ADGRB3: variants seen among roughly 807,000 people sequenced by gnomAD.
ADGRB3 encodes adhesion G protein-coupled receptor B3, also known as brain-specific angiogenesis inhibitor 3.
A neutral mutation model predicts 193.4 loss-of-function variants in ADGRB3; 37 were observed. The observed-to-expected ratio is 0.19, with a 90% CI of 0.15 to 0.25. ADGRB3 has a LOEUF of 0.25. Ranked by LOEUF, ADGRB3 falls within the 10% of genes least tolerant of loss-of-function variation. The pLI is 1.00. For synonymous variants in ADGRB3, 690 were observed against 644.2 expected (o/e 1.07, Z -1.08); for missense variants, 1,637 against 1,852.9 (o/e 0.88, Z 2.14).
chr6:69,330,596 T>C, intron 23 of ADGRB3, 24 bp downstream of exon 23: 1 of 1,582,068 alleles, frequency 6.3e-7, no homozygotes, highest in Non-Finnish European at 8.6e-7. Flanking sequence ...TCAACCTATT[T>C]TGTTTTCTTA....
chr6:68,825,840 C>T (rs1428123416), intron 3 of ADGRB3, among the ~76,000 whole-genome samples: 5 of 152,166 alleles, frequency 3.3e-5, no homozygotes, highest in African/African-American at 9.7e-5. Context: ...CTTAGCCATG[C>T]GGAACTGTGA....
At chr6:69,034,265 G>A (rs1296440935) in intron 13 of ADGRB3, among the ~76,000 whole-genome samples, 3 of 151,568 alleles carry the variant, frequency 2.0e-5, no homozygotes, top group African/African-American at 7.3e-5. Context: ...TTAATTCCCT[G>A]ATTGTTTGTC....
At chr6:68,860,774 C>G (rs1350800185) in intron 3 of ADGRB3, among the ~76,000 whole-genome samples, 1 of 152,114 alleles carries the variant, frequency 6.6e-6, no homozygotes, top group Non-Finnish European at 1.5e-5. Flanking sequence ...AGTGGGATTC[C>G]TGGGTCAAAT....
intron 3 of ADGRB3, among the ~76,000 whole-genome samples, chr6:68,699,080 C>T (rs1028524431): frequency 1.3e-5 from 2 of 151,978 alleles, no homozygotes; most frequent in African/African-American, 4.8e-5. Context: ...ATACTGAAAA[C>T]ATTCCCTTAG....
At chr6:69,098,991 C>G (rs922810745) in intron 17 of ADGRB3, among the ~76,000 whole-genome samples, 2 of 152,280 alleles carry the variant, frequency 1.3e-5, no homozygotes, top group Middle Eastern at 3.4e-3. Flanking sequence ...TTTTAAATAG[C>G]TACCTCTATG....
Position 68,756,656 on chromosome 6 carries a change from G to A in ADGRB3, c.757+117224G>A, listed in dbSNP as rs137868990. Among the ~76,000 whole-genome samples, 136 of 152,204 alleles carry A rather than the reference G, an allele frequency of 8.9e-4. 1 individual carries two copies. The highest frequency in any genetic ancestry group is 1.2e-4 in the Non-Finnish European group (8 of 67,990). ...TCCTGTGCTACACAGAGACCAGATG[G>A]GAGCTCAGGGTTATTTTGTTTATCA... On this transcript the variant is annotated intron_variant, in intron 3 of 31. Transcript: ENST00000370598.
At chr6:69,159,543 G>A (rs938345907) in intron 17 of ADGRB3, among the ~76,000 whole-genome samples, 6 of 152,038 alleles carry the variant, frequency 3.9e-5, no homozygotes, top group African/African-American at 1.4e-4. Flanking sequence ...AAATAAGCAA[G>A]CAGACAAACC....
intron 3 of ADGRB3, among the ~76,000 whole-genome samples, chr6:68,823,370 G>A (rs1767782635): frequency 6.6e-6 from 1 of 151,668 alleles, no homozygotes; most frequent in South Asian, 2.1e-4. Context: ...TATGTTTTGG[G>A]AACTGACAGA....
At chr6:68,800,209 A>C (rs1330730323) in intron 3 of ADGRB3, among the ~76,000 whole-genome samples, 1 of 152,210 alleles carries the variant, frequency 6.6e-6, no homozygotes, top group African/African-American at 2.4e-5. Flanking sequence ...GATTAGTTTC[A>C]GTGTACAGAA....
chr6:68,975,414 T>C (rs938607743), intron 10 of ADGRB3, 74 bp downstream of exon 10: 35 of 1,119,648 alleles, frequency 3.1e-5, no homozygotes, highest in Non-Finnish European at 4.2e-5. Flanking sequence ...AATTTAACCT[T>C]CTGCTGTACA....
At position 69,361,041 on chromosome 6, in the gene ADGRB3, G is replaced by T. The variant is rs1249840100; in HGVS notation, c.3768G>T (p.Leu1256Phe). ...TCATCATCCAGCAACCCACAGGTTTGCACATGCCCATGAGTATGAATGAGC... is the reference window on the plus strand; with the variant it reads ...TCATCATCCAGCAACCCACAGGTTTTCACATGCCCATGAGTATGAATGAGC... Reference protein sequence around the residue: ...SKVIIQQPTGLHMPMSMNELS... With the variant: ...SKVIIQQPTGFHMPMSMNELS... Residue 1256 changes from leucine (L) to phenylalanine (F), a missense_variant, in exon 29 of 32, where the codon TTG (leucine) becomes TTT (phenylalanine). Leu to Phe is a conservative substitution (Grantham distance 22). Transcript: ENST00000370598. 6.2e-7 allele frequency: 1 copy of T among 1,612,676 alleles called. No homozygotes were observed. The highest frequency in any genetic ancestry group is 1.3e-5 in the African/African-American group (1 of 74,824).
intron 28 of ADGRB3, 149 bp from the exon 29 acceptor site, chr6:69,360,720 C>T (rs886206986): frequency 1.3e-6 from 1 of 798,578 alleles, no homozygotes; most frequent in Admixed American, 3.2e-5. Context: ...GGACCATGTA[C>T]AAACAAATTG....
intron 3 of ADGRB3, among the ~76,000 whole-genome samples, chr6:68,844,183 A>G (rs1768226535): frequency 6.6e-6 from 1 of 152,156 alleles, no homozygotes; most frequent in South Asian, 2.1e-4. Flanking sequence ...TATTACATGA[A>G]GTTAAATGAT....
chr6:69,126,067 C>G (rs1561927020), intron 17 of ADGRB3, among the ~76,000 whole-genome samples: 1 of 152,096 alleles, frequency 6.6e-6, no homozygotes. Flanking sequence ...TGAATATGCA[C>G]TAAGTATATT....
Position 69,018,462 on chromosome 6 carries a change from G to A in ADGRB3, c.2070G>A (p.Met690Ile). The change falls in exon 13 of 32, where the codon ATG becomes ATA. Residue 690 changes from methionine to isoleucine, a missense_variant. Around this residue, in one of 7 missense-constraint regions of ADGRB3, gnomAD observed 641 missense variants for 673.9 expected, o/e 0.95. Transcript: ENST00000370598. The part of the protein sequence containing the change: ...DFIHIVGMGM[M>I]DFQNSYLMTG... Reference sequence around the variant, plus strand: ...TACACATTGTTGGAATGGGGATGATGGACTTTCAGAATTCATACTTAATGA... The same window carrying A: ...TACACATTGTTGGAATGGGGATGATAGACTTTCAGAATTCATACTTAATGA... The A allele has an allele frequency of 6.2e-7, 1 of 1,608,232 alleles. No homozygotes were observed. Among genetic ancestry groups the A allele is most frequent in the Non-Finnish European group, 8.5e-7 (1 of 1,175,736 alleles).
intron 3 of ADGRB3, among the ~76,000 whole-genome samples, chr6:68,917,303 T>G (rs939074536): frequency 2.6e-5 from 4 of 152,216 alleles, no homozygotes; most frequent in African/African-American, 7.2e-5. Flanking sequence ...ATCAAAGGCT[T>G]GGTAGGTACC....
intron 20 of ADGRB3, among the ~76,000 whole-genome samples, chr6:69,278,173 G>A (rs564281199): frequency 6.6e-6 from 1 of 152,286 alleles, no homozygotes; most frequent in African/African-American, 2.4e-5. Flanking sequence ...TATGCACACA[G>A]AGATACACTT....
intron 3 of ADGRB3, among the ~76,000 whole-genome samples, chr6:68,754,544 T>C (rs1297938128): frequency 6.6e-6 from 1 of 152,188 alleles, no homozygotes; most frequent in African/African-American, 2.4e-5. Context: ...TGTTTTAACA[T>C]AGCACCTGAT....
intron 16 of ADGRB3, among the ~76,000 whole-genome samples, chr6:69,064,064 C>T (rs1771827947): frequency 6.6e-6 from 1 of 151,826 alleles, no homozygotes; most frequent in African/African-American, 2.4e-5. Context: ...AATTTAAACT[C>T]ACATTCTTTT....
Sources: allele counts gnomAD v4.1 joint callset (sites outside exome capture counted in the v4.1 genomes callset), GRCh38; gene constraint gnomAD v4.1.1; regional missense constraint gnomAD v4.1.1; transcripts MANE v1.5; gene names NCBI Gene and HGNC (gene_info 2026-07-23, HGNC 2026-07-21).